VAV2: variants seen among roughly 807,000 people sequenced by gnomAD.
VAV2 encodes vav guanine nucleotide exchange factor 2.
A neutral mutation model predicts 132.5 loss-of-function variants in VAV2; 67 were observed. That is an observed-to-expected ratio of 0.51 (90% CI 0.42 to 0.62). The LOEUF is 0.62. Among genes scored for constraint, VAV2 ranks in the 20% least tolerant of loss-of-function variants. VAV2 has a pLI of 0.00. For missense variants in VAV2, 938 were observed against 1,153.6 expected, an observed-to-expected ratio of 0.81 and a Z score of 2.71; for synonymous variants, 492 against 443.5, an observed-to-expected ratio of 1.11 and a Z score of -1.37.
At chr9:133,786,935 G>A (rs1381859096) in intron 16 of VAV2, among the ~76,000 whole-genome samples, 1 of 152,064 alleles carries the variant, frequency 6.6e-6, no homozygotes, top group African/African-American at 2.4e-5. Context: ...GAGGGAGGGA[G>A]GAGGGAGAGA....
At chr9:133,870,463 T>C (rs1162687152) in intron 2 of VAV2, among the ~76,000 whole-genome samples, 1 of 152,206 alleles carries the variant, frequency 6.6e-6, no homozygotes, top group East Asian at 1.9e-4. Context: ...AACTTCTCTG[T>C]AAATGAACAG....
chr9:133,906,222 G>A (rs576584327), intron 2 of VAV2, among the ~76,000 whole-genome samples: 66 of 152,250 alleles, frequency 4.3e-4, no homozygotes, highest in Non-Finnish European at 8.4e-4. Flanking sequence ...ACACATCACC[G>A]TGTGCCTGCA....
At chr9:133,903,523 G>T (rs997064437) in intron 2 of VAV2, among the ~76,000 whole-genome samples, 7 of 152,172 alleles carry the variant, frequency 4.6e-5, no homozygotes, top group Non-Finnish European at 8.8e-5. Context: ...GAGAGGTTTT[G>T]TATCACTTAG....
At chr9:133,806,358 T>C (rs1835143233) in intron 8 of VAV2, among the ~76,000 whole-genome samples, 177 bp from the exon 9 acceptor site, 1 of 152,166 alleles carries the variant, frequency 6.6e-6, no homozygotes, top group Admixed American at 6.5e-5. Context: ...TAGAAGGTTC[T>C]ATGGCGATGG....
chr9:133,810,899 C>T lies in VAV2; in HGVS notation c.553-694G>A, dbSNP rs565370066. 2.6e-5 allele frequency among the ~76,000 whole-genome samples: 4 copies of T among 152,342 alleles called. No individual in the cohort carries two copies. In the East Asian group the frequency reaches 5.8e-4, roughly 22 times the overall value. On this transcript the variant is annotated intron_variant, in intron 5 of 29. Coordinates refer to ENST00000371850, the MANE Select transcript of VAV2 (RefSeq NM_001134398.2). ...CACCTGCTGAAGTTTACCTGCAGGA[C>T]GCCCAGCTTTCAAACAACTTGGGGA...
chr9:133,920,174 G>A (rs915275032), intron 2 of VAV2, among the ~76,000 whole-genome samples: 2 of 152,156 alleles, frequency 1.3e-5, no homozygotes, highest in Admixed American at 6.5e-5. Flanking sequence ...ATCAAAGGCA[G>A]AGCTGAGAGC....
At chr9:133,949,808 C>T (rs1425177113) in intron 1 of VAV2, among the ~76,000 whole-genome samples, 1 of 152,234 alleles carries the variant, frequency 6.6e-6, no homozygotes, top group African/African-American at 2.4e-5. Flanking sequence ...AGGGATGGGG[C>T]AAGGTTGCTT....
chr9:133,808,194 G>A (rs1296143485), intron 7 of VAV2, among the ~76,000 whole-genome samples: 1 of 152,224 alleles, frequency 6.6e-6, no homozygotes, highest in African/African-American at 2.4e-5. Context: ...GGCATGGGCA[G>A]GGCTTCGAGG....
At chr9:133,868,413 G>A (rs1420206095) in intron 2 of VAV2, among the ~76,000 whole-genome samples, 1 of 152,238 alleles carries the variant, frequency 6.6e-6, no homozygotes, top group East Asian at 1.9e-4. Context: ...CGGGCACCGT[G>A]CTGAGGCTCC....
intron 17 of VAV2, among the ~76,000 whole-genome samples, chr9:133,785,018 G>A (rs1834161569): frequency 6.6e-6 from 1 of 152,120 alleles, no homozygotes; most frequent in South Asian, 2.1e-4. Flanking sequence ...AAAGCGAGTG[G>A]CCGAAGAGAA....
At position 133,768,388 on chromosome 9, in the gene VAV2, C is replaced by G; in HGVS notation, c.2589+54G>C. The G allele has an allele frequency of 6.3e-7, 1 of 1,587,754 alleles. No individual in the cohort carries two copies. Among genetic ancestry groups the G allele is most frequent in the Non-Finnish European group, 8.5e-7 (1 of 1,170,246 alleles). ...TGGTGCTAGTCTGCCTGAGCCCGAC[C>G]AGGTAGGGGCTGCAGCGAGGCCAGC... On this transcript the variant is annotated intron_variant, in intron 29 of 29. Transcript: ENST00000371850. This position sits in a 1 kb window ranked among gnomAD's most constrained non-coding sequence, Gnocchi z 5.3.
intron 4 of VAV2, among the ~76,000 whole-genome samples, chr9:133,815,696 C>G (rs1835531797): frequency 6.6e-6 from 1 of 152,194 alleles, no homozygotes; most frequent in African/African-American, 2.4e-5. Context: ...ACCCATCTTC[C>G]TTCTTTATGG....
intron 1 of VAV2, among the ~76,000 whole-genome samples, chr9:133,963,473 A>G (rs542849856): frequency 1.3e-5 from 2 of 152,150 alleles, no homozygotes; most frequent in East Asian, 1.9e-4. Flanking sequence ...TGAGCTCCAC[A>G]CTCCAAGTCG....
Position 133,840,569 on chromosome 9 carries a change from G to A in VAV2, c.381-6229C>T, listed in dbSNP as rs923613322. On this transcript the variant is annotated intron_variant, in intron 3 of 29. Transcript: ENST00000371850. The surrounding 1 kb of genome is among the most constrained non-coding windows in gnomAD (Gnocchi z 4.5). ...GCCAGAGGACACAGACCAGAAAACA[G>A]AACACCCTACAGGGGTGCCCAAACC... 6.6e-6 allele frequency among the ~76,000 whole-genome samples: 1 copy of A among 152,136 alleles called. No individual in the cohort carries two copies. The highest frequency in any genetic ancestry group is 2.4e-5 in the African/African-American group (1 of 41,422).
chr9:133,954,412 C>G (rs1035553527), intron 1 of VAV2, among the ~76,000 whole-genome samples: 1 of 152,254 alleles, frequency 6.6e-6, no homozygotes, highest in African/African-American at 2.4e-5. Context: ...GAGATGCCTG[C>G]ACTTCAAGGA....
At chr9:133,828,809 G>A (rs1316453141) in intron 4 of VAV2, among the ~76,000 whole-genome samples, 1 of 152,172 alleles carries the variant, frequency 6.6e-6, no homozygotes, top group Non-Finnish European at 1.5e-5. Flanking sequence ...TCCAGATGGG[G>A]AGCCCCACCT....
Position 133,926,863 on chromosome 9 carries a change from G to C in VAV2, c.321+12240C>G, listed in dbSNP as rs1348033483. 6.6e-6 allele frequency among the ~76,000 whole-genome samples: 1 copy of C among 152,200 alleles called. No individual in the cohort carries two copies. Among genetic ancestry groups the C allele is most frequent in the East Asian group, 1.9e-4 (1 of 5,190 alleles). On this transcript the variant is annotated intron_variant, in intron 2 of 29. Coordinates refer to ENST00000371850, the MANE Select transcript of VAV2 (RefSeq NM_001134398.2). The surrounding 1 kb of genome is among the most constrained non-coding windows in gnomAD (Gnocchi z 4.3). ...TAAGCAGAGCACACAGAAGCAGAGA[G>C]GACCACCCTCCTGGCAACAGCCCCA...
chr9:133,906,091 G>C (rs569952329), intron 2 of VAV2, among the ~76,000 whole-genome samples: 11 of 152,242 alleles, frequency 7.2e-5, no homozygotes, highest in Admixed American at 2.0e-4. Context: ...CTGACCCTTA[G>C]ACCTTCCAGA....
At position 133,881,781 on chromosome 9, in the gene VAV2, C is replaced by T. The variant is rs766619390; in HGVS notation, c.322-20349G>A. On this transcript the variant is annotated intron_variant, in intron 2 of 29. Coordinates refer to ENST00000371850, the MANE Select transcript of VAV2 (RefSeq NM_001134398.2). ...TTAATTATTTAATGTCCTATCAAAA[C>T]CAACTCCATCCTTCATACTACTCCA... Among the ~76,000 whole-genome samples the T allele has an allele frequency of 3.7e-4, 56 of 152,244 alleles. 1 individual carries two copies. Among genetic ancestry groups the T allele is most frequent in the Non-Finnish European group, 5.6e-4 (38 of 68,048 alleles).
Sources: allele counts gnomAD v4.1 joint callset (sites outside exome capture counted in the v4.1 genomes callset), GRCh38; gene constraint gnomAD v4.1.1; non-coding constraint Gnocchi (gnomAD v3.1); transcripts MANE v1.5; gene names NCBI Gene and HGNC (gene_info 2026-07-23, HGNC 2026-07-21).